EIF5: variants seen among roughly 807,000 people sequenced by gnomAD.
The protein encoded by EIF5 is eukaryotic translation initiation factor 5.
Under a neutral mutation model 48.3 loss-of-function variants are expected in EIF5, and 10 were observed. The ratio of observed to expected loss-of-function variants is 0.21; its 90% confidence interval spans 0.13 to 0.35. The LOEUF (loss-of-function observed/expected upper bound fraction) is 0.35. EIF5 is among the 10% of genes least tolerant of loss of function. The probability of loss-of-function intolerance (pLI) is 1.00; values close to 1 mark genes in which losing one functional copy is unlikely to be tolerated. For synonymous variants in EIF5, 237 were observed against 173.1 expected, an observed-to-expected ratio of 1.37 and a Z score of -2.90; for missense variants, 397 against 533.2, an observed-to-expected ratio of 0.74 and a Z score of 2.51.
chr14:103,338,356 GAAAAA>G lies in EIF5; in HGVS notation c.470_474del (p.Glu157GlyfsTer19), dbSNP rs2089314107. The G allele has an allele frequency of 6.2e-7, 1 of 1,613,820 alleles. No homozygotes were observed. Among genetic ancestry groups the G allele is most frequent in the African/African-American group, 1.3e-5 (1 of 74,862 alleles). ...TAGTGACAGTGGTACAGGAAAGAAA[GAAAAA>G]GAAAAGAAAAACAGAAAGGGCAAAG... On this transcript the variant is annotated frameshift_variant, in exon 7 of 12. Coordinates refer to ENST00000216554, the MANE Select transcript of EIF5 (RefSeq NM_001969.5). LOFTEE classifies it high-confidence loss of function.
At chr14:103,335,985 G>A (rs759408602) in intron 3 of EIF5, 51 bp from the exon 4 acceptor site, 3 of 1,613,894 alleles carry the variant, frequency 1.9e-6, no homozygotes, top group Non-Finnish European at 2.5e-6. Flanking sequence ...GAATTTTGAA[G>A]TTTGCATTTG....
chr14:103,339,407 T>C (rs1595364753), intron 9 of EIF5, 74 bp downstream of exon 9: 7 of 1,525,248 alleles, frequency 4.6e-6, no homozygotes, highest in Non-Finnish European at 5.3e-6. Context: ...TTAACCACTT[T>C]TGCTTGTCCT....
In EIF5 at chr14:103,344,650, A is replaced by AT. The variant is rs1465264702; in HGVS notation, c.*3600dup. The AT allele has an allele frequency of 1.3e-5, 2 of 152,184 alleles. No homozygotes were observed. Among genetic ancestry groups the AT allele is most frequent in the Non-Finnish European group, 2.9e-5 (2 of 68,038 alleles). The allele number at this position is 152,184 out of a possible 1,614,324, so 9.4% of individuals were successfully genotyped here. On this transcript the variant is annotated 3_prime_UTR_variant, in exon 12 of 12. Transcript: ENST00000216554. ...ATGCCTGGCTGGGGCAGTAGGGGAAATTCCACCCAATTTTGCTATGAGCCT... is the reference window on the plus strand; with the variant it reads ...ATGCCTGGCTGGGGCAGTAGGGGAAATTTCCACCCAATTTTGCTATGAGCCT...
chr14:103,336,620 GAGT>G (rs1446511007), intron 4 of EIF5, 54 bp from the exon 5 acceptor site: 31 of 1,484,410 alleles, frequency 2.1e-5, no homozygotes, highest in Non-Finnish European at 2.0e-5. Context: ...AAATGTGAGT[GAGT>G]AGCCAGAGAT....
intron 7 of EIF5, 81 bp from the exon 8 acceptor site, chr14:103,338,654 T>G: frequency 6.4e-7 from 1 of 1,556,522 alleles, no homozygotes; most frequent in South Asian, 1.2e-5. Flanking sequence ...ATGGACTTGA[T>G]GCCATTAACT....
chr14:103,337,406 A>T, intron 6 of EIF5, 179 bp downstream of exon 6: 1 of 573,544 alleles, frequency 1.7e-6, no homozygotes, highest in Non-Finnish European at 3.0e-6. Flanking sequence ...GGAGTTCAAG[A>T]CCAGCCTGGC....
Position 103,340,434 on chromosome 14 carries a change from A to G in EIF5, c.1079A>G (p.Lys360Arg). 1 of 1,600,720 alleles carries G rather than the reference A, an allele frequency of 6.2e-7. No homozygotes were observed. The highest frequency in any genetic ancestry group is 1.3e-5 in the African/African-American group (1 of 74,858). Reference sequence around the variant, plus strand: ...TGTACTCACATTTTTTAGGCCTCTAAGAAATATGTCTCCAAAGAACTTGCC... The same window carrying G: ...TGTACTCACATTTTTTAGGCCTCTAGGAAATATGTCTCCAAAGAACTTGCC... ...VIISWSEKASKKYVSKELAKE... is the reference protein window; with the variant it reads ...VIISWSEKASRKYVSKELAKE... Residue 360 changes from lysine (K) to arginine (R), a missense_variant, in exon 11 of 12, where the codon AAG becomes AGG. Lys to Arg is a conservative substitution (Grantham distance 26, BLOSUM62 2). Transcript: ENST00000216554.
Position 103,338,476 on chromosome 14 carries a change from A to G in EIF5, c.585+4A>G, listed in dbSNP as rs570687243. On this transcript the variant is annotated splice_donor_region_variant and intron_variant, in intron 7 of 11. Coordinates refer to ENST00000216554, the MANE Select transcript of EIF5 (RefSeq NM_001969.5). ...TAATCCTCCTCCACATACAATGGTG[A>G]GTGCAGGGTTGATGGCCTAGTGGGC... is the stretch of plus-strand genomic sequence containing the variant. The G allele has an allele frequency of 2.6e-6, 4 of 1,562,432 alleles. No homozygotes were observed. The highest frequency in any genetic ancestry group is 3.5e-6 in the Non-Finnish European group (4 of 1,152,712).
rs562667115 is a variant in EIF5, at chr14:103,343,620, T to C, written c.*2568T>C. Reference sequence around the variant, plus strand: ...GCTTGAGAAGGGAGGGGTATCAAAATTGAGCCCCAAGCTGTTTGTTCCAGT... The same window carrying C: ...GCTTGAGAAGGGAGGGGTATCAAAACTGAGCCCCAAGCTGTTTGTTCCAGT... On this transcript the variant is annotated 3_prime_UTR_variant, in exon 12 of 12. Transcript: ENST00000216554. 1 of 152,302 alleles carries C rather than the reference T, an allele frequency of 6.6e-6. No individual in the cohort carries two copies. Among genetic ancestry groups the C allele is most frequent in the African/African-American group, 2.4e-5 (1 of 41,562 alleles). The allele number at this position is 152,302 out of a possible 1,614,324, so 9.4% of individuals were successfully genotyped here.
At position 103,343,387 on chromosome 14, in the gene EIF5, T is replaced by C. The variant is rs2089376044; in HGVS notation, c.*2335T>C. On this transcript the variant is annotated 3_prime_UTR_variant, in exon 12 of 12. Coordinates refer to ENST00000216554, the MANE Select transcript of EIF5 (RefSeq NM_001969.5). Reference sequence around the variant, plus strand: ...CTGTGAACTGAGCATCTGCCTCAGTTTTATTACTTGAAATCTTGGCAGGTG... The same window carrying C: ...CTGTGAACTGAGCATCTGCCTCAGTCTTATTACTTGAAATCTTGGCAGGTG... 6.6e-6 allele frequency: 1 copy of C among 152,202 alleles called. No homozygotes were observed. The highest frequency in any genetic ancestry group is 2.1e-4 in the South Asian group (1 of 4,826). 9.4% of individuals were successfully genotyped at this position (152,202 alleles called of 1,614,324 possible).
rs2089355908 is a variant in EIF5, at chr14:103,341,805, ATTTTGTGT to A, written c.*754_*761del. 1 of 152,618 alleles carries A rather than the reference ATTTTGTGT, an allele frequency of 6.6e-6. No homozygotes were observed. Among genetic ancestry groups the A allele is most frequent in the South Asian group, 2.1e-4 (1 of 4,828 alleles). 9.5% of individuals were successfully genotyped at this position (152,618 alleles called of 1,614,324 possible). On this transcript the variant is annotated 3_prime_UTR_variant, in exon 12 of 12. Transcript: ENST00000216554. ...CAGGGAAATTATTACATTAACAAGCATTTTGTGTGTACGTAGTAGTTACTTTGTACTGA... is the reference window on the plus strand; with the variant it reads ...CAGGGAAATTATTACATTAACAAGCAGTACGTAGTAGTTACTTTGTACTGA...
rs919742566 is a variant in EIF5, at chr14:103,343,747, T to C, written c.*2695T>C. The stretch of plus-strand genomic sequence containing the variant: ...GTGAGTTTGAACCTTTTGCATTTTG[T>C]TAGCTCAGTCAGTCCTCATCGTGGT... On this transcript the variant is annotated 3_prime_UTR_variant, in exon 12 of 12. Coordinates refer to ENST00000216554, the MANE Select transcript of EIF5 (RefSeq NM_001969.5). The C allele has an allele frequency of 6.6e-6, 1 of 152,242 alleles. No individual in the cohort carries two copies. Among genetic ancestry groups the C allele is most frequent in the Non-Finnish European group, 1.5e-5 (1 of 68,052 alleles). The allele number at this position is 152,242 out of a possible 1,614,324, so 9.4% of individuals were successfully genotyped here.
At chr14:103,337,389 G>C in intron 6 of EIF5, 162 bp downstream of exon 6, 1 of 597,602 alleles carries the variant, frequency 1.7e-6, no homozygotes, top group South Asian at 2.3e-5. Context: ...CACATCACTT[G>C]AGGCCAGGAG....
intron 6 of EIF5, chr14:103,337,903 A>G (rs760617003): frequency 1.1e-5 from 6 of 522,568 alleles, no homozygotes; most frequent in East Asian, 5.4e-5. Context: ...TGAGCTTGCT[A>G]TAGCAAGAAA....
In EIF5 at chr14:103,339,735, C is replaced by T; in HGVS notation, c.1003C>T (p.His335Tyr). The part of the protein sequence containing the change: ...HQAQLISKIP[H>Y]ILKEMYDADL... ...AGCTCAGCTTATCTCCAAGATTCCA[C>T]ATATCTTGAAGGAGATGTACGATGC... is the stretch of plus-strand genomic sequence containing the variant. The change falls in exon 10 of 12, where the codon CAT (histidine) becomes TAT (tyrosine). Residue 335 changes from histidine (H) to tyrosine (Y), a missense_variant. His to Tyr is a moderately conservative substitution (Grantham distance 83). Transcript: ENST00000216554. The T allele has an allele frequency of 1.2e-6, 2 of 1,614,212 alleles. No individual in the cohort carries two copies. The highest frequency in any genetic ancestry group is 1.7e-6 in the Non-Finnish European group (2 of 1,180,028).
At position 103,338,403 on chromosome 14, in the gene EIF5, C is replaced by G. The variant is rs749183948; in HGVS notation, c.516C>G (p.Ser172=). 1 of 1,609,152 alleles carries G rather than the reference C, an allele frequency of 6.2e-7. No homozygotes were observed. Among genetic ancestry groups the G allele is most frequent in the Non-Finnish European group, 8.5e-7 (1 of 1,177,360 alleles). ...AGGGCAAAGACAAGGAAAATGGCTC[C>G]GTATCCAGCAGTGAGACACCACCAC... is the stretch of plus-strand genomic sequence containing the variant. ...NRKGKDKENG[S]VSSSETPPPP... is the part of the protein sequence containing the mutation. Residue 172 remains serine (S), a synonymous_variant, in exon 7 of 12, where the codon TCC becomes TCG. Transcript: ENST00000216554.
intron 5 of EIF5, 129 bp from the exon 6 acceptor site, chr14:103,336,987 C>G (rs1333159952): frequency 7.3e-7 from 1 of 1,372,126 alleles, no homozygotes; most frequent in Non-Finnish European, 9.8e-7. Context: ...TATTTCCATT[C>G]TTTTTTTTAA....
intron 7 of EIF5, 60 bp downstream of exon 7, chr14:103,338,532 G>C: frequency 6.6e-7 from 1 of 1,520,798 alleles, no homozygotes; most frequent in Admixed American, 2.3e-5. Flanking sequence ...ATGGCATTTG[G>C]TTGAGGTGGG....
At chr14:103,339,148 G>A in intron 8 of EIF5, 24 bp from the exon 9 acceptor site, 1 of 1,597,578 alleles carries the variant, frequency 6.3e-7, no homozygotes, top group East Asian at 2.2e-5. Flanking sequence ...CCATTGCACT[G>A]AATTGTTTTC....
Sources: allele counts gnomAD v4.1 joint callset, GRCh38; gene constraint gnomAD v4.1.1; transcripts MANE v1.5; gene names NCBI Gene and HGNC (gene_info 2026-07-23, HGNC 2026-07-21).